The following ZNF106 variants were observed in gnomAD, a reference collection of about 807,000 sequenced individuals.
ZNF106 encodes zinc finger protein 106.
Under a neutral mutation model 195.1 loss-of-function variants are expected in ZNF106, and 67 were observed. That is an observed-to-expected ratio of 0.34 (90% CI 0.28 to 0.42). The LOEUF is 0.42. Ranked by LOEUF, ZNF106 falls within the 10% of genes least tolerant of loss-of-function variation. The probability of loss-of-function intolerance (pLI) is 1.00; values close to 1 mark genes in which losing one functional copy is unlikely to be tolerated. For synonymous variants in ZNF106, 784 were observed against 818.6 expected (o/e 0.96, Z 0.72); for missense variants, 2,118 against 2,304.5 (o/e 0.92, Z 1.66).
At chr15:42,437,418 G>A (rs1419746809) in intron 12 of ZNF106, 41 bp from the exon 13 acceptor site, 1 of 1,599,300 alleles carries the variant, frequency 6.3e-7, no homozygotes. Context: ...GTCTGCTAGA[G>A]TCTGAAAAGA....
chr15:42,473,440 C>T (rs1017406673), intron 1 of ZNF106, among the ~76,000 whole-genome samples: 1 of 152,158 alleles, frequency 6.6e-6, no homozygotes, highest in African/African-American at 2.4e-5. Context: ...CACTTGCATT[C>T]CCCTCGTTGC....
chr15:42,479,976 A>G (rs1461304348), intron 1 of ZNF106, among the ~76,000 whole-genome samples: 3 of 152,140 alleles, frequency 2.0e-5, no homozygotes. Flanking sequence ...TCAGCCTCCC[A>G]AGTAGCTAGG....
rs778066519 is a variant in ZNF106, at chr15:42,450,676, T to C, written c.1596A>G (p.Ser532=). ...TATTCCCTTTTAAAACATGAGGACA[T>C]GAACTACGCAGTTTGGATATGTAAG... ...HGPYISKLRS[S]CPHVLKGNKS... Residue 532 remains serine (S), a synonymous_variant, in exon 5 of 22, where the codon TCA becomes TCG. Coordinates refer to ENST00000564754, the MANE Select transcript of ZNF106 (RefSeq NM_001366845.3). The C allele has an allele frequency of 2.5e-6, 4 of 1,614,202 alleles. No homozygotes were observed. In the South Asian group the frequency reaches 3.3e-5, roughly 13 times the overall value.
At chr15:42,452,114 A>G (rs2056054745) in intron 4 of ZNF106, among the ~76,000 whole-genome samples, 160 bp from the exon 5 acceptor site, 1 of 152,184 alleles carries the variant, frequency 6.6e-6, no homozygotes, top group African/African-American at 2.4e-5. Context: ...ATATCTTTAA[A>G]TGATATATTT....
At chr15:42,420,989 G>T in intron 20 of ZNF106, 72 bp downstream of exon 20, 1 of 1,295,942 alleles carries the variant, frequency 7.7e-7, no homozygotes, top group Non-Finnish European at 1.1e-6. Context: ...TGATGATAAT[G>T]AAGATCTATC....
intron 2 of ZNF106, among the ~76,000 whole-genome samples, chr15:42,467,395 T>C (rs146016162): frequency 1.9e-3 from 282 of 152,348 alleles, no homozygotes; most frequent in Middle Eastern, 3.4e-3. Context: ...ATTAACTTCA[T>C]GCTGAAGAAT....
intron 3 of ZNF106, among the ~76,000 whole-genome samples, chr15:42,465,479 G>C (rs965716189): frequency 1.7e-4 from 26 of 150,236 alleles, no homozygotes; most frequent in African/African-American, 5.9e-4. Flanking sequence ...GTCTTTCTAC[G>C]TTGCCCAGGC....
chr15:42,478,410 C>T (rs2056829567), intron 1 of ZNF106, among the ~76,000 whole-genome samples: 1 of 152,100 alleles, frequency 6.6e-6, no homozygotes, highest in African/African-American at 2.4e-5. Flanking sequence ...GATCCACCTG[C>T]CTCGGCCTCC....
chr15:42,427,886 T>C (rs1595439072), intron 15 of ZNF106, 132 bp downstream of exon 15: 1 of 676,030 alleles, frequency 1.5e-6, no homozygotes, highest in South Asian at 1.8e-5. Flanking sequence ...TAACTGTGTT[T>C]GAGTAGTGGC....
chr15:42,478,512 CTTTTTTTTTTTTT>C lies in ZNF106; in HGVS notation c.-32-6204_-32-6192del, dbSNP rs58475332. Among the ~76,000 whole-genome samples, 7 of 77,616 alleles carry C rather than the reference CTTTTTTTTTTTTT, an allele frequency of 9.0e-5. No individual in the cohort carries two copies. The Admixed American group carries it at 1.2e-3, about 13-fold the overall frequency. 50.9% of individuals were successfully genotyped at this position (77,616 alleles called of 152,430 possible). A position where few individuals can be genotyped will look rare whatever the true frequency, so the allele number is the denominator to read the frequency against. On this transcript the variant is annotated intron_variant, in intron 1 of 21. Transcript: ENST00000564754. ...TATTTTATTCAGATGTCCTCTTTTT[CTTTTTTTTTTTTT>C]TTTTTTTTGAGACACAGTCTTGCTC...
intron 2 of ZNF106, among the ~76,000 whole-genome samples, chr15:42,469,553 T>A (rs1211994734): frequency 6.6e-6 from 1 of 151,784 alleles, no homozygotes; most frequent in Non-Finnish European, 1.5e-5. Flanking sequence ...TTAGAAAAAA[T>A]TCAGCCAGAC....
chr15:42,457,684 T>C (rs1022626371), intron 3 of ZNF106: 4 of 342,240 alleles, frequency 1.2e-5, no homozygotes. Flanking sequence ...AATGTGAGGA[T>C]TCCGGACCCC....
chr15:42,478,000 G>A (rs933920929), intron 1 of ZNF106, among the ~76,000 whole-genome samples: 3 of 151,228 alleles, frequency 2.0e-5, no homozygotes, highest in African/African-American at 4.9e-5. Context: ...ATTTATTTGA[G>A]ACAGAGTCTC....
At chr15:42,422,217 A>C (rs1408139120) in intron 18 of ZNF106, among the ~76,000 whole-genome samples, 2 of 152,108 alleles carry the variant, frequency 1.3e-5, no homozygotes, top group East Asian at 3.9e-4. Context: ...TTAGAATCAG[A>C]GTTTCAAACT....
chr15:42,435,647 G>A, intron 13 of ZNF106, 129 bp from the exon 14 acceptor site: 1 of 1,070,404 alleles, frequency 9.3e-7, no homozygotes, highest in Non-Finnish European at 1.4e-6. Context: ...ACAGCACCTG[G>A]TACACAAAAG....
At chr15:42,448,942 G>T (rs1183019019) in intron 5 of ZNF106, among the ~76,000 whole-genome samples, 1 of 151,752 alleles carries the variant, frequency 6.6e-6, no homozygotes, top group African/African-American at 2.4e-5. Context: ...AGTAAAAATT[G>T]AGTTTTGTTT....
chr15:42,453,655 G>A (rs796358886), intron 4 of ZNF106, among the ~76,000 whole-genome samples: 19 of 151,824 alleles, frequency 1.3e-4, no homozygotes, highest in African/African-American at 4.6e-4. Flanking sequence ...GAGTGCAATG[G>A]CACGATCTTG....
At chr15:42,487,043 G>T (rs1027572255) in intron 1 of ZNF106, among the ~76,000 whole-genome samples, 14 of 151,782 alleles carry the variant, frequency 9.2e-5, no homozygotes. Flanking sequence ...CCAGCTACTC[G>T]GGAGGCTGAG....
At chr15:42,480,750 C>T (rs2056881845) in intron 1 of ZNF106, among the ~76,000 whole-genome samples, 1 of 152,196 alleles carries the variant, frequency 6.6e-6, no homozygotes, top group East Asian at 1.9e-4. Context: ...TTTGGGAGGC[C>T]AAGGCAGGAG....
Sources: allele counts gnomAD v4.1 joint callset (sites outside exome capture counted in the v4.1 genomes callset), GRCh38; gene constraint gnomAD v4.1.1; transcripts MANE v1.5; gene names NCBI Gene and HGNC (gene_info 2026-07-23, HGNC 2026-07-21).